SELENOO: variants seen among roughly 807,000 people sequenced by gnomAD.
SELENOO encodes selenoprotein O, also known as protein adenylyltransferase SelO, mitochondrial.
In SELENOO, 74 loss-of-function variants were observed where a neutral mutation model predicts 58.7. The observed-to-expected ratio is 1.26, with a 90% confidence interval of 1.04 to 1.53. The LOEUF (loss-of-function observed/expected upper bound fraction) is 1.53. SELENOO is among the 40% of genes most tolerant of loss of function. The pLI is 0.00. For synonymous variants in SELENOO, 543 were observed against 453.2 expected (o/e 1.20, Z -2.52); for missense variants, 1,149 against 970.0 (o/e 1.18, Z -2.45).
chr22:50,217,145 C>T lies in SELENOO; in HGVS notation c.1845+17C>T. The T allele has an allele frequency of 2.5e-6, 4 of 1,611,292 alleles. No individual in the cohort carries two copies. Among genetic ancestry groups the T allele is most frequent in the Non-Finnish European group, 2.5e-6 (3 of 1,178,584 alleles). ...TTCTCAGAGGCAAGCACACGCCTGT[C>T]CCTGTGGTCCCTGGGAGGGGGGTCG... On this transcript the variant is annotated intron_variant, in intron 8 of 8. Transcript: ENST00000380903.
In SELENOO at chr22:50,206,496, T is replaced by C. The variant is rs1332331490; in HGVS notation, c.734T>C (p.Leu245Ser). ...AAATATGAACAATGCACGGTTGTGT[T>C]GCGTGTAGCTTCCACTTTCATAAGG... Reference protein sequence around the residue: ...NPKYEQCTVVLRVASTFIRFG... With the variant: ...NPKYEQCTVVSRVASTFIRFG... Residue 245 changes from leucine (L) to serine (S), a missense_variant, in exon 2 of 9, where the codon TTG (leucine) becomes TCG (serine). Transcript: ENST00000380903. The C allele has an allele frequency of 6.2e-7, 1 of 1,613,988 alleles. No individual in the cohort carries two copies. The highest frequency in any genetic ancestry group is 8.5e-7 in the Non-Finnish European group (1 of 1,179,902).
In SELENOO at chr22:50,201,124, C is replaced by G; in HGVS notation, c.88C>G (p.Arg30Gly). ...TCGCTGTTCCCCGTCGCCGGCGCCC[C>G]GCTCTACGTTGTCGGGCGCCGCCAT... ...LGRCSPSPAP[R>G]STLSGAAMEP... The change falls in exon 1 of 9, where the codon CGC (arginine) becomes GGC (glycine). Residue 30 changes from arginine (R) to glycine (G), a missense_variant. Coordinates refer to ENST00000380903, the MANE Select transcript of SELENOO (RefSeq NM_031454.2). 1 of 1,325,440 alleles carries G rather than the reference C, an allele frequency of 7.5e-7. No homozygotes were observed. The allele number at this position is 1,325,440 out of a possible 1,614,324, so 82.1% of individuals were successfully genotyped here. A position where few individuals can be genotyped will look rare whatever the true frequency, so the allele number is the denominator to read the frequency against.
intron 1 of SELENOO, among the ~76,000 whole-genome samples, chr22:50,202,966 C>T (rs996452466): frequency 4.6e-5 from 7 of 152,212 alleles, no homozygotes; most frequent in Non-Finnish European, 8.8e-5. Flanking sequence ...ATCCCTTGTT[C>T]GTGGGTTGGA....
intron 1 of SELENOO, among the ~76,000 whole-genome samples, chr22:50,204,638 G>A (rs1252634908): frequency 2.0e-5 from 3 of 149,882 alleles, no homozygotes; most frequent in East Asian, 3.9e-4. Flanking sequence ...AAAAAAAATC[G>A]TAAGTTAAAA....
chr22:50,204,642 G>C (rs2064321545), intron 1 of SELENOO, among the ~76,000 whole-genome samples: 1 of 151,352 alleles, frequency 6.6e-6, no homozygotes, highest in Admixed American at 6.6e-5. Flanking sequence ...AAAATCGTAA[G>C]TTAAAAAGTG....
chr22:50,209,692 C>T (rs2064355297), intron 3 of SELENOO: 1 of 155,900 alleles, frequency 6.4e-6, no homozygotes, highest in Non-Finnish European at 1.4e-5. Flanking sequence ...CGGTGGGGCC[C>T]TCAGTGCACC....
At position 50,208,624 on chromosome 22, in the gene SELENOO, C is replaced by T; in HGVS notation, c.847C>T (p.Leu283=). Residue 283 remains leucine, a synonymous_variant, in exon 3 of 9, where the codon CTG becomes TTG. Coordinates refer to ENST00000380903, the MANE Select transcript of SELENOO (RefSeq NM_031454.2). Reference sequence around the variant, plus strand: ...GGGGAGGAACGACATTCGAGTGCAGCTGCTCGACTATGTCATCAGCTCCTT... The same window carrying T: ...GGGGAGGAACGACATTCGAGTGCAGTTGCTCGACTATGTCATCAGCTCCTT... ...SVGRNDIRVQ[L]LDYVISSFYP... The T allele has an allele frequency of 1.2e-6, 2 of 1,613,942 alleles. No individual in the cohort carries two copies. Among genetic ancestry groups the T allele is most frequent in the African/African-American group, 1.3e-5 (1 of 75,048 alleles).
chr22:50,217,321 T>TAAGC lies in SELENOO; in HGVS notation c.1963_1966dup (p.Pro656GlnfsTer35). 6.2e-7 allele frequency: 1 copy of TAAGC among 1,612,864 alleles called. No homozygotes were observed. The highest frequency in any genetic ancestry group is 8.5e-7 in the Non-Finnish European group (1 of 1,179,910). On this transcript the variant is annotated frameshift_variant, in exon 9 of 9. Coordinates refer to ENST00000380903, the MANE Select transcript of SELENOO (RefSeq NM_031454.2). LOFTEE classifies it high-confidence loss of function. ...ACGGCAGGCAGCGCTCCTACAGCAG[T>TAAGC]AAGCCCCCGCTCTGGGCAGCAGAAC... is the stretch of plus-strand genomic sequence containing the variant.
At chr22:50,213,517 G>A (rs1375773823) in intron 5 of SELENOO, among the ~76,000 whole-genome samples, 1 of 150,844 alleles carries the variant, frequency 6.6e-6, no homozygotes, top group Non-Finnish European at 1.5e-5. Context: ...AGAGCGTCCT[G>A]TACCCGTGTG....
chr22:50,215,846 T>G lies in SELENOO; in HGVS notation c.1481T>G (p.Phe494Cys). ...CASLEELRLA[F>C]RPQMDPRQLS... Reference sequence around the variant, plus strand: ...TCCCTGGAGGAGCTGAGGCTGGCCTTCCGGCCCCAGATGGATCCCCGGTGG... The same window carrying G: ...TCCCTGGAGGAGCTGAGGCTGGCCTGCCGGCCCCAGATGGATCCCCGGTGG... Residue 494 changes from phenylalanine to cysteine, a missense_variant, in exon 6 of 9, where the codon TTC (phenylalanine) becomes TGC (cysteine). Physicochemically the swap from Phe to Cys is radical, Grantham distance 205. Transcript: ENST00000380903. 1 of 1,610,914 alleles carries G rather than the reference T, an allele frequency of 6.2e-7. No individual in the cohort carries two copies. The highest frequency in any genetic ancestry group is 8.5e-7 in the Non-Finnish European group (1 of 1,177,854).
chr22:50,201,036 G>C lies in SELENOO; in HGVS notation c.-1G>C, dbSNP rs779115854. On this transcript the variant is annotated 5_prime_UTR_variant, in exon 1 of 9. Coordinates refer to ENST00000380903, the MANE Select transcript of SELENOO (RefSeq NM_031454.2). Reference sequence around the variant, plus strand: ...GGCTTCCGGCGGGAGCGGGGCCGCGGATGGCCGTATACAGGGCAGCGCTCG... The same window carrying C: ...GGCTTCCGGCGGGAGCGGGGCCGCGCATGGCCGTATACAGGGCAGCGCTCG... The C allele has an allele frequency of 7.8e-7, 1 of 1,274,612 alleles. No individual in the cohort carries two copies. Among genetic ancestry groups the C allele is most frequent in the East Asian group, 3.2e-5 (1 of 31,338 alleles). The allele number at this position is 1,274,612 out of a possible 1,614,324, so 79.0% of individuals were successfully genotyped here. A position where few individuals can be genotyped will look rare whatever the true frequency, so the allele number is the denominator to read the frequency against.
chr22:50,216,750 G>A lies in SELENOO; in HGVS notation c.1562G>A (p.Gly521Asp), dbSNP rs1012481394. Residue 521 changes from glycine to aspartate, a missense_variant, in exon 7 of 9, where the codon GGC (glycine) becomes GAC (aspartate). Coordinates refer to ENST00000380903, the MANE Select transcript of SELENOO (RefSeq NM_031454.2). ...AACCCGCAGCTGTTCGCGCTTATGG[G>A]CACCCGGGCAGGCATCGCCAGGGAG... ...QSNPQLFALM[G>D]TRAGIARELE... 4 of 1,607,184 alleles carry A rather than the reference G, an allele frequency of 2.5e-6. No individual in the cohort carries two copies. The African/African-American group carries it at 4.0e-5, about 16-fold the overall frequency.
At chr22:50,211,023 C>T (rs1023588635) in intron 5 of SELENOO, 112 bp downstream of exon 5, 33 of 1,155,324 alleles carry the variant, frequency 2.9e-5, no homozygotes, top group East Asian at 9.4e-5. Flanking sequence ...CTGGGCCCAC[C>T]CCAGCCCTGG....
chr22:50,212,274 T>G (rs549825319), intron 5 of SELENOO, among the ~76,000 whole-genome samples: 1 of 152,324 alleles, frequency 6.6e-6, no homozygotes, highest in Non-Finnish European at 1.5e-5. Flanking sequence ...GGGCTTTTCT[T>G]TGTTGGAAAA....
At chr22:50,209,169 T>A (rs2064351908) in intron 3 of SELENOO, 1 of 156,458 alleles carries the variant, frequency 6.4e-6, no homozygotes, top group Non-Finnish European at 1.4e-5. Flanking sequence ...ATCGTCCTTG[T>A]CACAGGGCAT....
chr22:50,215,269 CCT>C (rs2064397700), intron 5 of SELENOO, among the ~76,000 whole-genome samples: 1 of 152,096 alleles, frequency 6.6e-6, no homozygotes, highest in African/African-American at 2.4e-5. Context: ...CGGGCAGCAG[CCT>C]CTGCCTTCTC....
At chr22:50,207,198 G>C (rs886313166) in intron 2 of SELENOO, among the ~76,000 whole-genome samples, 9 of 151,982 alleles carry the variant, frequency 5.9e-5, no homozygotes, top group East Asian at 3.9e-4. Flanking sequence ...TCTTGGCTCA[G>C]TGCAACCTCC....
intron 1 of SELENOO, among the ~76,000 whole-genome samples, chr22:50,204,549 C>T (rs1220460950): frequency 2.0e-5 from 3 of 152,016 alleles, no homozygotes; most frequent in Non-Finnish European, 4.4e-5. Flanking sequence ...ATCACTTGAA[C>T]CCAGGAGGCG....
chr22:50,216,702 T>C lies in SELENOO; in HGVS notation c.1514T>C (p.Met505Thr). ...TGGCCTCTCCACAGGCAGCTATCCA[T>C]GATGCTGATGCTGGCGCAGTCAAAC... ...RPQMDPRQLS[M>T]MLMLAQSNPQ... Residue 505 changes from methionine to threonine, a missense_variant, in exon 7 of 9, where the codon ATG (methionine) becomes ACG (threonine). By Grantham distance (81) the Met-to-Thr change is moderately conservative. Coordinates refer to ENST00000380903, the MANE Select transcript of SELENOO (RefSeq NM_031454.2). The C allele has an allele frequency of 6.3e-7, 1 of 1,593,262 alleles. No homozygotes were observed. Among genetic ancestry groups the C allele is most frequent in the East Asian group, 2.3e-5 (1 of 43,864 alleles).
Sources: gnomAD v4.1 joint callset for allele counts (sites outside exome capture counted in the v4.1 genomes callset) on GRCh38, gnomAD v4.1.1 for gene constraint, MANE v1.5 for transcripts, NCBI Gene and HGNC (gene_info 2026-07-23, HGNC 2026-07-21) for gene names.